Variants in KRT38 observed in about 807,000 individuals in gnomAD.
KRT38 encodes keratin 38, also known as keratin, type I cuticular Ha8.
KRT38 carries 45 observed loss-of-function variants against 43.1 expected under a neutral mutation model. That is an observed-to-expected ratio of 1.04 (90% CI 0.82 to 1.34). The LOEUF (loss-of-function observed/expected upper bound fraction) is 1.34, where lower values mean the gene tolerates loss of function less well. Ranked by LOEUF, KRT38 falls within the 40% of genes most tolerant of loss-of-function variation. The pLI is 0.00. For synonymous variants in KRT38, 258 were observed against 244.0 expected (o/e 1.06, Z -0.53); for missense variants, 627 against 586.2 (o/e 1.07, Z -0.72).
Position 41,440,197 on chromosome 17 carries a change from T to A in KRT38, c.539A>T (p.Asp180Val), listed in dbSNP as rs751150808. 1 of 1,614,198 alleles carries A rather than the reference T, an allele frequency of 6.2e-7. No homozygotes were observed. Among genetic ancestry groups the A allele is most frequent in the Non-Finnish European group, 8.5e-7 (1 of 1,180,038 alleles). ...AENARLIVQI[D>V]NAKLAADDFR... ...GTCATCGGCAGCCAGCTTGGCATTGTCAATTTGTACAATCAGCCTGGCATT... is the reference window on the plus strand; with the variant it reads ...GTCATCGGCAGCCAGCTTGGCATTGACAATTTGTACAATCAGCCTGGCATT... The change falls in exon 2 of 7, where the codon GAC becomes GTC. Residue 180 changes from aspartate (D) to valine (V), a missense_variant. Coordinates refer to ENST00000246646, the MANE Select transcript of KRT38 (RefSeq NM_006771.4).
At chr17:41,440,264 G>T (rs1224262995) in intron 1 of KRT38, 21 bp from the exon 2 acceptor site, 1 of 1,613,308 alleles carries the variant, frequency 6.2e-7, no homozygotes, top group African/African-American at 1.3e-5. Flanking sequence ...CAGGAAGACA[G>T]TTCACACACA....
rs1323981678 is a variant in KRT38 at position 41,436,719 on chromosome 17, T to C, written c.*693A>G. ...ATTTATAGAGAAAAAAGAGAGAAAT[T>C]TCTTAATCTGAAAGTTCCTTTCACA... On this transcript the variant is annotated 3_prime_UTR_variant, in exon 7 of 7. Transcript: ENST00000246646. 1.3e-5 allele frequency: 2 copies of C among 152,136 alleles called. No homozygotes were observed. The highest frequency in any genetic ancestry group is 2.9e-5 in the Non-Finnish European group (2 of 68,018). The allele number at this position is 152,136 out of a possible 1,614,324, so 9.4% of individuals were successfully genotyped here. A position where few individuals can be genotyped will look rare whatever the true frequency, so the allele number is the denominator to read the frequency against.
In KRT38 at chr17:41,440,826, G is replaced by C. The variant is rs2144422996; in HGVS notation, c.96C>G (p.Cys32Trp). Residue 32 changes from cysteine (C) to tryptophan (W), a missense_variant, in exon 1 of 7, where the codon TGC becomes TGG. By Grantham distance (215) the Cys-to-Trp change is radical. Coordinates refer to ENST00000246646, the MANE Select transcript of KRT38 (RefSeq NM_006771.4). The stretch of plus-strand genomic sequence containing the variant: ...CAATGTTGGCCTCTGCCCCAGGCTG[G>C]CACCCAATGTCGATGGGAGAGACAG... Reference protein sequence around the residue: ...NVSVSPIDIGCQPGAEANIAP... With the variant: ...NVSVSPIDIGWQPGAEANIAP... 1 of 1,608,080 alleles carries C rather than the reference G, an allele frequency of 6.2e-7. No homozygotes were observed. The highest frequency in any genetic ancestry group is 1.1e-5 in the South Asian group (1 of 89,788).
chr17:41,437,499 A>C lies in KRT38; in HGVS notation c.1284T>G (p.Thr428=), dbSNP rs984333448. The stretch of plus-strand genomic sequence containing the variant: ...AGCTTGGGCGAGGAGCACAGGGGGC[A>C]GTCACGCAGGAGGGAGACGTGGAGC... ...NPCSTSPSCV[T]APCAPRPSCG... Residue 428 remains threonine, a synonymous_variant, in exon 7 of 7, where the codon ACT becomes ACG. Coordinates refer to ENST00000246646, the MANE Select transcript of KRT38 (RefSeq NM_006771.4). 1.9e-6 allele frequency: 3 copies of C among 1,561,742 alleles called. No homozygotes were observed. The highest frequency in any genetic ancestry group is 2.6e-6 in the Non-Finnish European group (3 of 1,161,604).
intron 2 of KRT38, among the ~76,000 whole-genome samples, chr17:41,439,619 T>C (rs1458373981): frequency 6.6e-6 from 1 of 152,230 alleles, no homozygotes; most frequent in Non-Finnish European, 1.5e-5. Context: ...ATCAACTGAC[T>C]TGCGTAAGAT....
At chr17:41,439,498 G>T in intron 2 of KRT38, 139 bp from the exon 3 acceptor site, 1 of 921,966 alleles carries the variant, frequency 1.1e-6, no homozygotes, top group Non-Finnish European at 1.6e-6. Context: ...AGGTGAATTA[G>T]ACCCAGCCCC....
chr17:41,439,169 C>G (rs747508581), intron 3 of KRT38, 34 bp downstream of exon 3: 1 of 1,601,722 alleles, frequency 6.2e-7, no homozygotes, highest in Non-Finnish European at 8.5e-7. Context: ...CTGCCCAGTG[C>G]CCTCCCCAGG....
chr17:41,439,432 C>G, intron 2 of KRT38, 73 bp from the exon 3 acceptor site: 3 of 1,525,246 alleles, frequency 2.0e-6, no homozygotes, highest in Non-Finnish European at 2.7e-6. Flanking sequence ...GGCTTCCTAC[C>G]TCCCACACCA....
rs772445542 is a variant in KRT38, at chr17:41,437,451, C to T, written c.1332G>A (p.Gly444=). 1.3e-6 allele frequency: 2 copies of T among 1,563,742 alleles called. No individual in the cohort carries two copies. Among genetic ancestry groups the T allele is most frequent in the Non-Finnish European group, 8.6e-7 (1 of 1,161,028 alleles). The change falls in exon 7 of 7, where the codon GGG becomes GGA. Residue 444 remains glycine (G), a synonymous_variant. Coordinates refer to ENST00000246646, the MANE Select transcript of KRT38 (RefSeq NM_006771.4). ...CGGTGGTGCTGGCTCCACAGGTGGG[C>T]CCACAGGTGGTGCAGGGGCCACAGC... The part of the protein sequence containing the change: ...RPSCGPCTTC[G]PTCGASTTGS...
rs775058782 is a variant in KRT38, at chr17:41,438,116, G to A, written c.1218C>T (p.Asn406=). 20 of 1,614,026 alleles carry A rather than the reference G, an allele frequency of 1.2e-5. No individual in the cohort carries two copies. The highest frequency in any genetic ancestry group is 1.5e-5 in the Non-Finnish European group (18 of 1,180,040). The part of the protein sequence containing the change: ...RLENEIATYR[N]LLESEDCKLP... ...ACTTGCAGTCCTCGCTTTCCAGAAG[G>A]TTCCGGTACGTGGCAATCTCATTCT... The change falls in exon 6 of 7, where the codon AAC becomes AAT. Residue 406 remains asparagine (N), a synonymous_variant. Transcript: ENST00000246646.
Position 41,440,959 on chromosome 17 carries a change from C to A in KRT38, c.-38G>T, listed in dbSNP as rs781140857. On this transcript the variant is annotated 5_prime_UTR_variant, in exon 1 of 7. Transcript: ENST00000246646. The stretch of plus-strand genomic sequence containing the variant: ...AGGCTGCACAGGAGCTTCAGATCAG[C>A]TGGGAAAGCTGAACCACTGAGACTG... 6.0e-6 allele frequency: 9 copies of A among 1,512,538 alleles called. No homozygotes were observed. In the East Asian group the frequency reaches 1.8e-4, roughly 31 times the overall value. The allele number at this position is 1,512,538 out of a possible 1,614,324, so 93.7% of individuals were successfully genotyped here. A position where few individuals can be genotyped will look rare whatever the true frequency, so the allele number is the denominator to read the frequency against.
At position 41,440,546 on chromosome 17, in the gene KRT38, C is replaced by T. The variant is rs1325136989; in HGVS notation, c.376G>A (p.Glu126Lys). ...GCCTCCAGCTCCGCATTCTCCTGCT[C>T]CAGCTGGCGCACCTTCTCCAGGTAG... ...ANYLEKVRQL[E>K]QENAELEATL... Residue 126 changes from glutamate (E) to lysine (K), a missense_variant, in exon 1 of 7, where the codon GAG (glutamate) becomes AAG (lysine). By Grantham distance (56) the Glu-to-Lys change is moderately conservative (BLOSUM62 1). Transcript: ENST00000246646. 2 of 1,614,230 alleles carry T rather than the reference C, an allele frequency of 1.2e-6. No homozygotes were observed. The highest frequency in any genetic ancestry group is 1.1e-5 in the South Asian group (1 of 91,088).
rs1383941114 is a variant in KRT38 at position 41,440,539 on chromosome 17, T to G, written c.383A>C (p.Glu128Ala). 6.2e-7 allele frequency: 1 copy of G among 1,614,114 alleles called. No homozygotes were observed. Among genetic ancestry groups the G allele is most frequent in the Non-Finnish European group, 8.5e-7 (1 of 1,180,046 alleles). The change falls in exon 1 of 7, where the codon GAG becomes GCG. Residue 128 changes from glutamate to alanine, a missense_variant. Glu to Ala is a moderately radical substitution (Grantham distance 107). Coordinates refer to ENST00000246646, the MANE Select transcript of KRT38 (RefSeq NM_006771.4). ...YLEKVRQLEQ[E>A]NAELEATLLE... The stretch of plus-strand genomic sequence containing the variant: ...GAGTGTGGCCTCCAGCTCCGCATTC[T>G]CCTGCTCCAGCTGGCGCACCTTCTC...
In KRT38 at chr17:41,438,212, A is replaced by G; in HGVS notation, c.1122T>C (p.Ser374=). 3.7e-6 allele frequency: 6 copies of G among 1,614,122 alleles called. No homozygotes were observed. Among genetic ancestry groups the G allele is most frequent in the Non-Finnish European group, 5.1e-6 (6 of 1,179,998 alleles). ...SLISNVEEQL[S]EIRADLERQN... ...GCCGCTCCAGGTCGGCCCGGATCTC[A>G]GACAGCTGCTCCTCCACGTTGCTGA... Residue 374 remains serine, a synonymous_variant, in exon 6 of 7, where the codon TCT becomes TCC. Transcript: ENST00000246646.
chr17:41,439,160 T>G, intron 3 of KRT38, 43 bp downstream of exon 3: 1 of 1,592,380 alleles, frequency 6.3e-7, no homozygotes. Context: ...CTCCCCTGTC[T>G]GCCCAGTGCC....
At position 41,440,597 on chromosome 17, in the gene KRT38, G is replaced by T. The variant is rs199726500; in HGVS notation, c.325C>A (p.Gln109Lys). ...TLNGHEKETM[Q>K]FLNDRLANYL... ...TTGGCCAGGCGGTCATTCAGGAACT[G>T]CATGGTCTCCTTCTCATGGCCATTC... Residue 109 changes from glutamine (Q) to lysine (K), a missense_variant, in exon 1 of 7, where the codon CAG becomes AAG. Physicochemically the swap from Gln to Lys is moderately conservative, Grantham distance 53. Coordinates refer to ENST00000246646, the MANE Select transcript of KRT38 (RefSeq NM_006771.4). The T allele has an allele frequency of 2.2e-5, 35 of 1,614,200 alleles. No homozygotes were observed. The highest frequency in any genetic ancestry group is 8.3e-5 in the Admixed American group (5 of 60,032).
At chr17:41,438,379 T>C in intron 5 of KRT38, 66 bp from the exon 6 acceptor site, 1 of 1,603,298 alleles carries the variant, frequency 6.2e-7, no homozygotes, top group Non-Finnish European at 8.5e-7. Context: ...TGCCTCAAAT[T>C]TTGATGGTGA....
At position 41,436,225 on chromosome 17, in the gene KRT38, G is replaced by T. The variant is rs902437063; in HGVS notation, c.*1187C>A. ...CAGTGGGCTAGGCTCTGGGGATGCAGCAATGAACAATTGTTAATCTTGGGT... is the reference window on the plus strand; with the variant it reads ...CAGTGGGCTAGGCTCTGGGGATGCATCAATGAACAATTGTTAATCTTGGGT... On this transcript the variant is annotated 3_prime_UTR_variant, in exon 7 of 7. Coordinates refer to ENST00000246646, the MANE Select transcript of KRT38 (RefSeq NM_006771.4). 9.9e-5 allele frequency among the ~76,000 whole-genome samples: 15 copies of T among 152,176 alleles called. No homozygotes were observed. Among genetic ancestry groups the T allele is most frequent in the Non-Finnish European group, 2.2e-4 (15 of 68,042 alleles).
Position 41,440,839 on chromosome 17 carries a change from A to T in KRT38, c.83T>A (p.Ile28Asn). ...TGCCCCAGGCTGGCACCCAATGTCGATGGGAGAGACAGAGACATTTCTTGC... is the reference window on the plus strand; with the variant it reads ...TGCCCCAGGCTGGCACCCAATGTCGTTGGGAGAGACAGAGACATTTCTTGC... ...PGARNVSVSP[I>N]DIGCQPGAEA... Residue 28 changes from isoleucine (I) to asparagine (N), a missense_variant, in exon 1 of 7, where the codon ATC becomes AAC. Ile to Asn is a moderately radical substitution (Grantham distance 149). Transcript: ENST00000246646. 6.2e-7 allele frequency: 1 copy of T among 1,600,626 alleles called. No individual in the cohort carries two copies. The highest frequency in any genetic ancestry group is 1.1e-5 in the South Asian group (1 of 87,934).
Sources: allele counts gnomAD v4.1 joint callset (sites outside exome capture counted in the v4.1 genomes callset), GRCh38; gene constraint gnomAD v4.1.1; transcripts MANE v1.5; gene names NCBI Gene and HGNC (gene_info 2026-07-23, HGNC 2026-07-21).